ARSL: variants seen among roughly 807,000 people sequenced by gnomAD.
ARSL encodes the protein arylsulfatase L.
Under a neutral mutation model 31.1 loss-of-function variants are expected in ARSL, and 4 were observed. The ratio of observed to expected loss-of-function variants is 0.13; its 90% confidence interval spans 0.06 to 0.29. The LOEUF is 0.29. Ranked by LOEUF, ARSL falls within the 10% of genes least tolerant of loss-of-function variation. ARSL has a pLI of 1.00. For synonymous variants in ARSL, 198 were observed against 209.9 expected, an observed-to-expected ratio of 0.94 and a Z score of 0.49; for missense variants, 312 against 497.8, an observed-to-expected ratio of 0.63 and a Z score of 3.55.
chrX:2,943,236 G>T (rs1353460114), intron 7 of ARSL, 37 bp from the exon 8 acceptor site: 3 of 1,205,431 alleles, frequency 2.5e-6, no homozygotes, highest in Admixed American at 2.2e-5. Flanking sequence ...CGTCGAAATG[G>T]AAAAATATCA....
At chrX:2,938,429 A>G (rs1303712476) in intron 8 of ARSL, among the ~76,000 whole-genome samples, 172 bp from the exon 9 acceptor site, 1 of 111,501 alleles carries the variant, frequency 9.0e-6, no homozygotes, top group East Asian at 2.8e-4. Flanking sequence ...ATTCAATCTC[A>G]TGTAGTTCCC....
intron 2 of ARSL, among the ~76,000 whole-genome samples, chrX:2,958,941 C>T (rs950625962): frequency 8.9e-6 from 1 of 111,806 alleles, no homozygotes; most frequent in Non-Finnish European, 1.9e-5. Context: ...GAGCTGAGAT[C>T]GCACCACTGC....
chrX:2,967,490 C>T (rs1198595977), upstream of ARSL, among the ~76,000 whole-genome samples: 1 of 111,467 alleles, frequency 9.0e-6, no homozygotes, highest in South Asian at 3.8e-4. Context: ...TCCCAGCTGG[C>T]ACACTCTGGC....
rs776153736 is a variant in ARSL, at chrX:2,934,898, C to T, written c.1704G>A (p.Pro568=). 25 of 1,200,931 alleles carry T rather than the reference C, an allele frequency of 2.1e-5. No homozygotes were observed. Among genetic ancestry groups the T allele is most frequent in the Admixed American group, 1.5e-4 (7 of 45,566 alleles). The change falls in exon 11 of 11, where the codon CCG becomes CCA. Residue 568 remains proline (P), a synonymous_variant. Coordinates refer to ENST00000381134, the MANE Select transcript of ARSL (RefSeq NM_000047.3). ...ACGGGCCACAGCAGGGCTGCAGCCA[C>T]GGTCTCCAGATGTTGCCCAGCCTGT... ...QLDRLGNIWR[P]WLQPCCGPFP... is the part of the protein sequence containing the mutation.
At chrX:2,939,214 G>C (rs769250069) in intron 8 of ARSL, among the ~76,000 whole-genome samples, 2 of 111,523 alleles carry the variant, frequency 1.8e-5, no homozygotes, top group Non-Finnish European at 3.8e-5. Context: ...CAGACACAGA[G>C]GAGAAGGCCA....
intron 7 of ARSL, among the ~76,000 whole-genome samples, chrX:2,944,795 G>C (rs964835707): frequency 3.6e-5 from 4 of 110,939 alleles, no homozygotes; most frequent in African/African-American, 6.6e-5. Context: ...GAGGGAATGA[G>C]GCAAGACAAT....
At chrX:2,939,737 G>A (rs1159221105) in intron 8 of ARSL, among the ~76,000 whole-genome samples, 1 of 111,127 alleles carries the variant, frequency 9.0e-6, no homozygotes, top group Non-Finnish European at 1.9e-5. Context: ...AAGCACAACA[G>A]TGTGAAGTCA....
In ARSL at chrX:2,946,142, T is replaced by C. The variant is rs1484770267; in HGVS notation, c.855-8A>G. The C allele has an allele frequency of 1.7e-6, 2 of 1,207,420 alleles. No homozygotes were observed. Among genetic ancestry groups the C allele is most frequent in the African/African-American group, 3.5e-5 (2 of 56,707 alleles). On this transcript the variant is annotated splice_polypyrimidine_tract_variant and splice_region_variant and intron_variant, in intron 6 of 10. Coordinates refer to ENST00000381134, the MANE Select transcript of ARSL (RefSeq NM_000047.3). ...AAAGGCCCATGCTTATTCCTAAAAATAAATACGAAGCAATTAAGGTGACTT... is the reference window on the plus strand; with the variant it reads ...AAAGGCCCATGCTTATTCCTAAAAACAAATACGAAGCAATTAAGGTGACTT...
In ARSL at chrX:2,938,197, G is replaced by A. The variant is rs999293531; in HGVS notation, c.1187C>T (p.Pro396Leu). The A allele has an allele frequency of 8.3e-7, 1 of 1,212,013 alleles. No individual in the cohort carries two copies. Among genetic ancestry groups the A allele is most frequent in the Non-Finnish European group, 1.1e-6 (1 of 895,602 alleles). ...GIRVPGIFRW[P>L]GVLPAGRVIG... The stretch of plus-strand genomic sequence containing the variant: ...CACTCGGCCGGCCGGGAGCACCCCG[G>A]GCCAGCGGAAGATCCCGGGCACGCG... The change falls in exon 9 of 11, where the codon CCC becomes CTC. Residue 396 changes from proline (P) to leucine (L), a missense_variant. Pro to Leu is a moderately conservative substitution (Grantham distance 98). Transcript: ENST00000381134.
chrX:2,956,551 T>A (rs963787294), intron 3 of ARSL, among the ~76,000 whole-genome samples: 7 of 111,250 alleles, frequency 6.3e-5, no homozygotes, highest in Admixed American at 4.8e-4. Flanking sequence ...AACCTCCCCC[T>A]CCCGGGTTCA....
intron 3 of ARSL, among the ~76,000 whole-genome samples, 169 bp from the exon 4 acceptor site, chrX:2,955,706 T>G (rs1218526639): frequency 8.9e-6 from 1 of 111,955 alleles, no homozygotes; most frequent in East Asian, 2.8e-4. Flanking sequence ...CTTCTGAACT[T>G]TCGAGGAAAC....
chrX:2,956,278 C>A (rs752552877), intron 3 of ARSL, among the ~76,000 whole-genome samples: 1 of 111,546 alleles, frequency 9.0e-6, no homozygotes, highest in Non-Finnish European at 1.9e-5. Flanking sequence ...CAGATGGACA[C>A]GCCATATTTT....
chrX:2,943,235 G>C, intron 7 of ARSL, 36 bp from the exon 8 acceptor site: 1 of 1,205,767 alleles, frequency 8.3e-7, no homozygotes, highest in Non-Finnish European at 1.1e-6. Context: ...CCGTCGAAAT[G>C]GAAAAATATC....
At chrX:2,946,693 G>A (rs935534144) in intron 6 of ARSL, among the ~76,000 whole-genome samples, 3 of 103,894 alleles carry the variant, frequency 2.9e-5, no homozygotes, top group East Asian at 3.2e-4. Context: ...ATTTTGAGAC[G>A]GATTGTGGCT....
At chrX:2,955,626 C>A in intron 3 of ARSL, 89 bp from the exon 4 acceptor site, 1 of 1,030,228 alleles carries the variant, frequency 9.7e-7, no homozygotes, top group South Asian at 2.0e-5. Flanking sequence ...AGAAGGTCTG[C>A]TGGTCATCGC....
At chrX:2,953,594 C>T (rs1312767899) in intron 4 of ARSL, among the ~76,000 whole-genome samples, 1 of 112,022 alleles carries the variant, frequency 8.9e-6, no homozygotes, top group African/African-American at 3.2e-5. Flanking sequence ...GTTCTGTCGT[C>T]CAGGCTGGAA....
At chrX:2,966,797 A>G (rs1266639548), upstream of ARSL, among the ~76,000 whole-genome samples, 1 of 109,295 alleles carries the variant, frequency 9.1e-6, no homozygotes. Context: ...ACATATAAAT[A>G]CATGTTATAA....
upstream of ARSL, among the ~76,000 whole-genome samples, chrX:2,966,622 A>C (rs930259009): frequency 1.0e-4 from 11 of 107,437 alleles, no homozygotes; most frequent in African/African-American, 3.0e-4. Flanking sequence ...GAAAAAAAAA[A>C]CAAAACAATA....
At chrX:2,953,093 T>A in intron 5 of ARSL, 50 bp downstream of exon 5, 1 of 1,188,450 alleles carries the variant, frequency 8.4e-7, no homozygotes, top group South Asian at 1.8e-5. Context: ...TAGCTGAATG[T>A]CCCTTCCATA....
Sources: allele counts gnomAD v4.1 joint callset (sites outside exome capture counted in the v4.1 genomes callset), GRCh38; gene constraint gnomAD v4.1.1; transcripts MANE v1.5; gene names NCBI Gene and HGNC (gene_info 2026-07-23, HGNC 2026-07-21).